CMPK1: variants seen among roughly 807,000 people sequenced by gnomAD.
CMPK1 encodes UMP-CMP kinase.
CMPK1 carries 10 observed loss-of-function variants against 25.7 expected under a neutral mutation model. The observed-to-expected ratio is 0.39, with a 90% CI of 0.24 to 0.66. CMPK1 has a LOEUF of 0.66. Ranked by LOEUF, CMPK1 falls within the 30% of genes least tolerant of loss-of-function variation. The pLI, the probability that CMPK1 is intolerant of heterozygous loss-of-function variation, is 0.48. For missense variants in CMPK1, 199 were observed against 280.5 expected, an observed-to-expected ratio of 0.71 and a Z score of 2.08; for synonymous variants, 106 against 101.5, an observed-to-expected ratio of 1.04 and a Z score of -0.27.
At chr1:47,342,660 T>C (rs1310382785) in intron 1 of CMPK1, among the ~76,000 whole-genome samples, 1 of 147,822 alleles carries the variant, frequency 6.8e-6, no homozygotes, top group African/African-American at 2.5e-5. Context: ...TTTTTTTTTT[T>C]TTTTTTTGAG....
At chr1:47,369,031 A>T (rs1646658838) in intron 2 of CMPK1, among the ~76,000 whole-genome samples, 3 of 152,208 alleles carry the variant, frequency 2.0e-5, no homozygotes. Context: ...GTTTTGAGAC[A>T]GTGTCTTTGT....
intron 1 of CMPK1, among the ~76,000 whole-genome samples, chr1:47,351,138 C>T (rs1264957916): frequency 6.6e-6 from 1 of 151,990 alleles, no homozygotes; most frequent in African/African-American, 2.4e-5. Context: ...GGGTGGAGTT[C>T]AGTGGCACGA....
intron 1 of CMPK1, among the ~76,000 whole-genome samples, chr1:47,362,782 A>G (rs1398870148): frequency 1.3e-5 from 2 of 152,220 alleles, no homozygotes; most frequent in Non-Finnish European, 2.9e-5. Context: ...TGCAATGCAC[A>G]CATTTACAAA....
intron 1 of CMPK1, among the ~76,000 whole-genome samples, chr1:47,365,526 C>T (rs1016895516): frequency 7.3e-5 from 11 of 149,662 alleles, no homozygotes; most frequent in African/African-American, 2.2e-4. Context: ...CCCAGCTACT[C>T]GGGAGGCTGA....
At chr1:47,355,428 C>T (rs973974242) in intron 1 of CMPK1, among the ~76,000 whole-genome samples, 7 of 149,760 alleles carry the variant, frequency 4.7e-5, no homozygotes, top group Admixed American at 1.3e-4. Context: ...CTCACTTCTG[C>T]CTCAGCCTCC....
intron 1 of CMPK1, among the ~76,000 whole-genome samples, chr1:47,335,457 C>A (rs1456198115): frequency 6.6e-6 from 1 of 151,806 alleles, no homozygotes; most frequent in African/African-American, 2.4e-5. Context: ...GCTAACATGG[C>A]GAAACGTTGT....
intron 1 of CMPK1, among the ~76,000 whole-genome samples, chr1:47,356,665 C>CTATT (rs908210894): frequency 4.0e-4 from 61 of 152,122 alleles, no homozygotes; most frequent in Admixed American, 1.6e-3. Flanking sequence ...AGAATGCCTT[C>CTATT]TATTTATTTA....
intron 2 of CMPK1, among the ~76,000 whole-genome samples, chr1:47,371,009 G>C (rs941661215): frequency 6.6e-6 from 1 of 151,954 alleles, no homozygotes; most frequent in Admixed American, 6.6e-5. Flanking sequence ...CAGACACCCT[G>C]TATTTACTAG....
chr1:47,337,572 C>G (rs536011246), intron 1 of CMPK1, among the ~76,000 whole-genome samples: 1 of 151,846 alleles, frequency 6.6e-6, no homozygotes, highest in Non-Finnish European at 1.5e-5. Context: ...TATAATTTAG[C>G]AATTGCTATT....
intron 1 of CMPK1, among the ~76,000 whole-genome samples, chr1:47,361,681 G>T (rs1646602953): frequency 6.6e-6 from 1 of 150,854 alleles, no homozygotes; most frequent in African/African-American, 2.4e-5. Flanking sequence ...CAGGCCCTGA[G>T]CCCCGGACCT....
chr1:47,352,047 G>A (rs1294934342), intron 1 of CMPK1, among the ~76,000 whole-genome samples: 1 of 152,178 alleles, frequency 6.6e-6, no homozygotes, highest in African/African-American at 2.4e-5. Flanking sequence ...TGAGGCAGGA[G>A]AATTGCTTGA....
chr1:47,371,938 C>G (rs1187297077), intron 2 of CMPK1, among the ~76,000 whole-genome samples: 1 of 152,182 alleles, frequency 6.6e-6, no homozygotes, highest in Non-Finnish European at 1.5e-5. Context: ...CCTAGCTACT[C>G]AAGGCATAAA....
At chr1:47,373,417 T>G (rs1380942498) in intron 3 of CMPK1, 1 of 181,172 alleles carries the variant, frequency 5.5e-6, no homozygotes, top group Non-Finnish European at 1.1e-5. Flanking sequence ...AGGTAGACAT[T>G]ATTATCAAAG....
chr1:47,351,422 T>C (rs957148774), intron 1 of CMPK1, among the ~76,000 whole-genome samples: 2 of 152,166 alleles, frequency 1.3e-5, no homozygotes, highest in Non-Finnish European at 2.9e-5. Flanking sequence ...GTATCAGAAC[T>C]TCCTTTTTAT....
chr1:47,369,115 C>T (rs1557431618), intron 2 of CMPK1, among the ~76,000 whole-genome samples: 1 of 152,140 alleles, frequency 6.6e-6, no homozygotes, highest in East Asian at 1.9e-4. Flanking sequence ...GCCATCTTCC[C>T]ACCTCAGCCT....
At chr1:47,341,384 A>G (rs1646439756) in intron 1 of CMPK1, among the ~76,000 whole-genome samples, 2 of 152,008 alleles carry the variant, frequency 1.3e-5, no homozygotes, top group South Asian at 4.1e-4. Flanking sequence ...TTGTTTTGAG[A>G]CAGAGACTCA....
At chr1:47,359,394 T>TC (rs549052062) in intron 1 of CMPK1, among the ~76,000 whole-genome samples, 3 of 129,026 alleles carry the variant, frequency 2.3e-5, no homozygotes, top group Admixed American at 7.1e-5. Flanking sequence ...TTCTTTTTTT[T>TC]TTTTTTTTTT....
chr1:47,365,794 G>A (rs1570375864), intron 1 of CMPK1, among the ~76,000 whole-genome samples: 1 of 152,210 alleles, frequency 6.6e-6, no homozygotes, highest in South Asian at 2.1e-4. Context: ...TGCATGATCC[G>A]TAAAGGTTAT....
chr1:47,368,241 G>C (rs1646653154), intron 1 of CMPK1, among the ~76,000 whole-genome samples: 3 of 152,100 alleles, frequency 2.0e-5, no homozygotes. Context: ...ACTACGCCCA[G>C]CCAGGATATA....
Sources: allele counts gnomAD v4.1 joint callset (sites outside exome capture counted in the v4.1 genomes callset), GRCh38; gene constraint gnomAD v4.1.1; transcripts MANE v1.5; gene names NCBI Gene and HGNC (gene_info 2026-07-23, HGNC 2026-07-21).